Variants in WDR53 observed in about 807,000 individuals in gnomAD.
The protein encoded by WDR53 is WD repeat-containing protein 53.
A neutral mutation model predicts 21.3 loss-of-function variants in WDR53; 19 were observed. The ratio of observed to expected loss-of-function variants is 0.89; its 90% CI spans 0.62 to 1.31. WDR53 has a LOEUF of 1.31. Ranked by LOEUF, WDR53 falls within the 50% of genes most tolerant of loss-of-function variation. The probability of loss-of-function intolerance (pLI) is 0.00; values close to 1 mark genes in which losing one functional copy is unlikely to be tolerated. For synonymous variants in WDR53, 157 were observed against 163.4 expected (o/e 0.96, Z 0.30); for missense variants, 374 against 423.2 (o/e 0.88, Z 1.02).
Position 196,554,671 on chromosome 3 carries a change from G to A in WDR53, c.617C>T (p.Ala206Val), listed in dbSNP as rs2108679628. 2 of 1,614,118 alleles carry A rather than the reference G, an allele frequency of 1.2e-6. No individual in the cohort carries two copies. The highest frequency in any genetic ancestry group is 4.5e-5 in the East Asian group (2 of 44,884). ...NPALAHSISVASCGNIFSCGA... is the reference protein window; with the variant it reads ...NPALAHSISVVSCGNIFSCGA... ...ACAACTAAAAATATTACCACACGAA[G>A]CCACAGAGATAGAATGGGCTAGGGC... Residue 206 changes from alanine (A) to valine (V), a missense_variant, in exon 4 of 4, where the codon GCT (alanine) becomes GTT (valine). Coordinates refer to ENST00000332629, the MANE Select transcript of WDR53 (RefSeq NM_182627.3).
rs368054374 is a variant in WDR53, at chr3:196,561,027, T to G, written c.449A>C (p.Gln150Pro). Residue 150 changes from glutamine (Q) to proline (P), a missense_variant, in exon 3 of 4, where the codon CAG (glutamine) becomes CCG (proline). By Grantham distance (76) the Gln-to-Pro change is moderately conservative. Coordinates refer to ENST00000332629, the MANE Select transcript of WDR53 (RefSeq NM_182627.3). Reference protein sequence around the residue: ...SSVAFRPQRPQSLVSCGLDMQ... With the variant: ...SSVAFRPQRPPSLVSCGLDMQ... ...ATCCAGTCCACATGACACCAGGCTC[T>G]GAGGCCTCTGAGGCCGAAAAGCCAC... is the stretch of plus-strand genomic sequence containing the variant. 5.0e-6 allele frequency: 8 copies of G among 1,613,882 alleles called. No individual in the cohort carries two copies. The African/African-American group carries it at 9.3e-5, about 19-fold the overall frequency.
rs113429558 is a variant in WDR53, at chr3:196,567,024, A to T, written c.-164T>A. The T allele has an allele frequency of 1.8e-3, 639 of 349,250 alleles. 6 individuals carry two copies. The Middle Eastern group carries it at 0.036, about 20-fold the overall frequency. The allele number at this position is 349,250 out of a possible 1,614,324, so 21.6% of individuals were successfully genotyped here. A position where few individuals can be genotyped will look rare whatever the true frequency, so the allele number is the denominator to read the frequency against. On this transcript the variant is annotated 5_prime_UTR_variant, in exon 2 of 4. Coordinates refer to ENST00000332629, the MANE Select transcript of WDR53 (RefSeq NM_182627.3). The stretch of plus-strand genomic sequence containing the variant: ...AGACACGATAAAGGCCAGTCTTTAA[A>T]AACTGAGTGATCTCTAAACACTCTG...
chr3:196,564,186 G>A (rs887858556), intron 2 of WDR53, among the ~76,000 whole-genome samples: 3 of 151,984 alleles, frequency 2.0e-5, no homozygotes, highest in Non-Finnish European at 4.4e-5. Flanking sequence ...ACAGCAGCAG[G>A]TAAATATGCC....
At chr3:196,557,778 TC>T (rs1734466753) in intron 3 of WDR53, among the ~76,000 whole-genome samples, 4 of 129,476 alleles carry the variant, frequency 3.1e-5, no homozygotes, top group African/African-American at 1.1e-4. Context: ...TAATTTTTTT[TC>T]TTTTCTTTTT....
chr3:196,555,427 A>G (rs189819117), intron 3 of WDR53, among the ~76,000 whole-genome samples: 66 of 152,392 alleles, frequency 4.3e-4, no homozygotes, highest in African/African-American at 1.2e-3. Context: ...AATGCCTAGC[A>G]TAATGGCTGA....
chr3:196,554,357 C>T lies in WDR53; in HGVS notation c.931G>A (p.Glu311Lys). Residue 311 changes from glutamate (E) to lysine (K), a missense_variant, in exon 4 of 4, where the codon GAA becomes AAA. By Grantham distance (56) the Glu-to-Lys change is moderately conservative. Coordinates refer to ENST00000332629, the MANE Select transcript of WDR53 (RefSeq NM_182627.3). ...AGCTTTGGTAAAATGTTGCCATGTTCTTCCTCATCTGTTACTGAAGCGTTA... is the reference window on the plus strand; with the variant it reads ...AGCTTTGGTAAAATGTTGCCATGTTTTTCCTCATCTGTTACTGAAGCGTTA... ...NTNASVTDEE[E>K]HGNILPKLNI... The T allele has an allele frequency of 6.2e-7, 1 of 1,614,152 alleles. No homozygotes were observed. Among genetic ancestry groups the T allele is most frequent in the Non-Finnish European group, 8.5e-7 (1 of 1,180,012 alleles).
rs9311 is a variant in WDR53 at position 196,554,337 on chromosome 3, T to C, written c.951A>G (p.Pro317=). The C allele has an allele frequency of 0.43, 701,500 of 1,613,804 alleles. 157,772 individuals carry two copies. The highest frequency in any genetic ancestry group is 0.53 in the Middle Eastern group (3,215 of 6,060). The change falls in exon 4 of 4, where the codon CCA becomes CCG. Residue 317 remains proline (P), a synonymous_variant. Coordinates refer to ENST00000332629, the MANE Select transcript of WDR53 (RefSeq NM_182627.3). Reference sequence around the variant, plus strand: ...TTTCTCCATGTTCAATATTTAGCTTTGGTAAAATGTTGCCATGTTCTTCCT... The same window carrying C: ...TTTCTCCATGTTCAATATTTAGCTTCGGTAAAATGTTGCCATGTTCTTCCT... ...TDEEEHGNIL[P]KLNIEHGEKV...
At chr3:196,562,292 G>A (rs1330879540) in intron 2 of WDR53, among the ~76,000 whole-genome samples, 5 of 152,096 alleles carry the variant, frequency 3.3e-5, no homozygotes, top group Admixed American at 6.6e-5. Flanking sequence ...ATGGAGTCTC[G>A]CTGCCGTTAG....
In WDR53 at chr3:196,561,117, A is replaced by C; in HGVS notation, c.359T>G (p.Ile120Ser). 2 of 1,614,184 alleles carry C rather than the reference A, an allele frequency of 1.2e-6. No individual in the cohort carries two copies. Reference sequence around the variant, plus strand: ...AACTTTCTTGTTTTCCAAGTCTAGGATTTTGATTGCCCCAGAGTCGTCAGC... The same window carrying C: ...AACTTTCTTGTTTTCCAAGTCTAGGCTTTTGATTGCCCCAGAGTCGTCAGC... ...ASADDSGAIK[I>S]LDLENKKVIR... is the part of the protein sequence containing the mutation. Residue 120 changes from isoleucine (I) to serine (S), a missense_variant, in exon 3 of 4, where the codon ATC becomes AGC. Coordinates refer to ENST00000332629, the MANE Select transcript of WDR53 (RefSeq NM_182627.3).
At chr3:196,561,910 C>G (rs1032371986) in intron 2 of WDR53, among the ~76,000 whole-genome samples, 1 of 152,186 alleles carries the variant, frequency 6.6e-6, no homozygotes, top group African/African-American at 2.4e-5. Flanking sequence ...TTTGCAGTAG[C>G]TAGGGGACTG....
chr3:196,565,944 G>A (rs1228696317), intron 2 of WDR53, among the ~76,000 whole-genome samples: 1 of 152,220 alleles, frequency 6.6e-6, no homozygotes, highest in Non-Finnish European at 1.5e-5. Context: ...AAGTCAACAA[G>A]CTTCTCTTTT....
At chr3:196,560,512 C>G (rs929135736) in intron 3 of WDR53, among the ~76,000 whole-genome samples, 11 of 152,178 alleles carry the variant, frequency 7.2e-5, no homozygotes, top group Non-Finnish European at 1.2e-4. Flanking sequence ...GCTGGGATTA[C>G]AGGCGTGAGC....
rs570166175 is a variant in WDR53, at chr3:196,554,336, T to TGGTAAA, written c.951_952insTTTACC (p.Pro317_Lys318insPheThr). The TGGTAAA allele has an allele frequency of 9.5e-5, 153 of 1,614,208 alleles. 1 individual carries two copies. The highest frequency in any genetic ancestry group is 3.3e-4 in the Middle Eastern group (2 of 6,062). On this transcript the variant is annotated inframe_insertion, in exon 4 of 4. Coordinates refer to ENST00000332629, the MANE Select transcript of WDR53 (RefSeq NM_182627.3). ...TTTTCTCCATGTTCAATATTTAGCT[T>TGGTAAA]TGGTAAAATGTTGCCATGTTCTTCC...
At chr3:196,566,800 G>A (rs1256504074) in intron 2 of WDR53, 77 bp downstream of exon 2, 1 of 163,322 alleles carries the variant, frequency 6.1e-6, no homozygotes, top group African/African-American at 2.4e-5. Flanking sequence ...CATGGGGAAG[G>A]GGCTTGGTGG....
At chr3:196,557,388 T>TAA (rs1393139933) in intron 3 of WDR53, among the ~76,000 whole-genome samples, 1 of 151,614 alleles carries the variant, frequency 6.6e-6, no homozygotes, top group Non-Finnish European at 1.5e-5. Context: ...GCAGCAAAAA[T>TAA]AAAAAAAATT....
intron 2 of WDR53, among the ~76,000 whole-genome samples, chr3:196,564,254 T>C (rs1045322578): frequency 2.6e-5 from 4 of 152,196 alleles, no homozygotes; most frequent in South Asian, 2.1e-4. Flanking sequence ...CGAAAGGCAC[T>C]GATAGTATTT....
intron 2 of WDR53, among the ~76,000 whole-genome samples, chr3:196,564,165 C>G (rs1269182740): frequency 6.6e-6 from 1 of 152,006 alleles, no homozygotes; most frequent in Non-Finnish European, 1.5e-5. Flanking sequence ...TTTTTGCTGA[C>G]AAGTACTGAA....
intron 2 of WDR53, among the ~76,000 whole-genome samples, chr3:196,564,535 AT>A (rs998583505): frequency 2.7e-5 from 4 of 148,970 alleles, no homozygotes; most frequent in African/African-American, 9.9e-5. Context: ...AATTTTTTGT[AT>A]TTTTTTTGTA....
At chr3:196,561,514 G>A in intron 2 of WDR53, 23 bp from the exon 3 acceptor site, 8 of 1,564,462 alleles carry the variant, frequency 5.1e-6, no homozygotes, top group Non-Finnish European at 6.9e-6. Flanking sequence ...GGAAACAACT[G>A]TAATCTCATG....
Sources: gnomAD v4.1 joint callset for allele counts (sites outside exome capture counted in the v4.1 genomes callset) on GRCh38, gnomAD v4.1.1 for gene constraint, MANE v1.5 for transcripts, NCBI Gene and HGNC (gene_info 2026-07-23, HGNC 2026-07-21) for gene names.